The following CTNNA2 variants were observed in gnomAD, a reference collection of about 807,000 sequenced individuals.
CTNNA2 encodes the protein catenin alpha-2.
Under a neutral mutation model 101.0 loss-of-function variants are expected in CTNNA2, and 42 were observed. The observed-to-expected ratio is 0.42, with a 90% CI of 0.32 to 0.54. The LOEUF (loss-of-function observed/expected upper bound fraction) is 0.54, where lower values mean the gene tolerates loss of function less well. Ranked by LOEUF, CTNNA2 falls within the 20% of genes least tolerant of loss-of-function variation. The pLI is 0.14. For missense variants in CTNNA2, 871 were observed against 1,223.1 expected (o/e 0.71, Z 4.29); for synonymous variants, 450 against 456.4 (o/e 0.99, Z 0.18).
At chr2:79,470,047 A>G (rs1009909578) in intron 4 of CTNNA2, among the ~76,000 whole-genome samples, 2 of 152,240 alleles carry the variant, frequency 1.3e-5, no homozygotes, top group Non-Finnish European at 2.9e-5. Context: ...AGGCAGGAGA[A>G]GGAAATAAAG....
At chr2:79,821,805 T>A (rs1347938204) in intron 3 of CTNNA2, among the ~76,000 whole-genome samples, 2 of 152,172 alleles carry the variant, frequency 1.3e-5, no homozygotes, top group African/African-American at 4.8e-5. Flanking sequence ...GAATGTTTCT[T>A]AACTGGTGTT....
intron 7 of CTNNA2, among the ~76,000 whole-genome samples, chr2:80,067,295 A>G (rs1049860758): frequency 6.6e-6 from 1 of 152,202 alleles, no homozygotes; most frequent in Non-Finnish European, 1.5e-5. Flanking sequence ...TAGCCATTCC[A>G]CAATGTATAC....
chr2:79,267,677 T>C (rs936072843), intron 2 of CTNNA2, among the ~76,000 whole-genome samples: 4 of 152,160 alleles, frequency 2.6e-5, no homozygotes, highest in East Asian at 1.9e-4. Context: ...CAAAGAGCTG[T>C]AGTGGGACCT....
intron 7 of CTNNA2, among the ~76,000 whole-genome samples, chr2:80,273,973 G>C (rs918075026): frequency 1.3e-5 from 2 of 152,088 alleles, no homozygotes; most frequent in Admixed American, 1.3e-4. Flanking sequence ...GGTTATTACT[G>C]TATCCCAGTG....
chr2:79,654,030 C>G (rs1444804442), intron 2 of CTNNA2, among the ~76,000 whole-genome samples: 1 of 152,138 alleles, frequency 6.6e-6, no homozygotes, highest in African/African-American at 2.4e-5. Flanking sequence ...AACTTAGATA[C>G]TCCCCAAGAA....
chr2:80,639,887 G>C (rs984953705), intron 18 of CTNNA2, among the ~76,000 whole-genome samples: 2 of 152,006 alleles, frequency 1.3e-5, no homozygotes, highest in Non-Finnish European at 2.9e-5. Flanking sequence ...CAGATCATGA[G>C]GTCAGGAGTT....
intron 7 of CTNNA2, among the ~76,000 whole-genome samples, chr2:80,156,493 T>G (rs923926015): frequency 6.6e-6 from 1 of 152,220 alleles, no homozygotes; most frequent in Non-Finnish European, 1.5e-5. Flanking sequence ...GTAATCTCTC[T>G]TCTGTGCCTG....
rs561120877 is a variant in CTNNA2, at chr2:79,831,489, C to T, written c.299-26524C>T. ...TTAATGTTCTTAGATAAACAAGGTG[C>T]TTTTGTCTGTGTTGCTTCACATAGC... On this transcript the variant is annotated intron_variant, in intron 3 of 18. Coordinates refer to ENST00000402739, the MANE Select transcript of CTNNA2 (RefSeq NM_001282597.3). 3.9e-5 allele frequency among the ~76,000 whole-genome samples: 6 copies of T among 152,066 alleles called. No individual in the cohort carries two copies. In the South Asian group the frequency reaches 1.0e-3, roughly 26 times the overall value.
intron 2 of CTNNA2, among the ~76,000 whole-genome samples, chr2:79,657,003 A>C (rs913139527): frequency 6.6e-6 from 1 of 151,870 alleles, no homozygotes; most frequent in Non-Finnish European, 1.5e-5. Context: ...AGCTTTAGAT[A>C]GCTTTGAAGA....
chr2:79,499,235 C>T (rs1671291560), intron 4 of CTNNA2: 2 of 152,042 alleles, frequency 1.3e-5, no homozygotes, highest in Admixed American at 1.3e-4. Context: ...CCACTCAGAG[C>T]ACAATAGCTG....
intron 15 of CTNNA2, among the ~76,000 whole-genome samples, chr2:80,603,273 A>G (rs1419936879): frequency 1.3e-5 from 2 of 152,182 alleles, no homozygotes; most frequent in Non-Finnish European, 2.9e-5. Context: ...ATGATGCAGC[A>G]TAATTTCCAT....
At chr2:79,970,115 G>A (rs1292608014) in intron 7 of CTNNA2, among the ~76,000 whole-genome samples, 1 of 152,152 alleles carries the variant, frequency 6.6e-6, no homozygotes, top group Non-Finnish European at 1.5e-5. Flanking sequence ...ATGAACTAAT[G>A]CCTTTCTTGG....
chr2:79,207,493 C>T (rs10173485), intron 2 of CTNNA2, among the ~76,000 whole-genome samples: 1 of 152,024 alleles, frequency 6.6e-6, no homozygotes, highest in African/African-American at 2.4e-5. Flanking sequence ...CACAGTGGGC[C>T]CTCATTTAAA....
chr2:80,088,039 C>T (rs1328183591), intron 7 of CTNNA2, among the ~76,000 whole-genome samples: 1 of 151,976 alleles, frequency 6.6e-6, no homozygotes, highest in East Asian at 1.9e-4. Context: ...AGTTCTGAGA[C>T]CCTTCTTGTT....
Position 79,234,255 on chromosome 2 carries a change from G to C in CTNNA2, c.-406+36179G>C, listed in dbSNP as rs112880078. Among the ~76,000 whole-genome samples, 413 of 151,976 alleles carry C rather than the reference G, an allele frequency of 2.7e-3. 1 individual carries two copies. Among genetic ancestry groups the C allele is most frequent in the African/African-American group, 9.5e-3 (393 of 41,436 alleles). Reference sequence around the variant, plus strand: ...GTTAATAACATATCCCTTAGTGCTTGCTTCTCTGAGAAGGATTTTTATTTC... The same window carrying C: ...GTTAATAACATATCCCTTAGTGCTTCCTTCTCTGAGAAGGATTTTTATTTC... On this transcript the variant is annotated intron_variant, in intron 2 of 21. Coordinates refer to the CTNNA2 transcript ENST00000466387.
At chr2:79,993,706 A>G (rs1692341710) in intron 7 of CTNNA2, among the ~76,000 whole-genome samples, 1 of 152,084 alleles carries the variant, frequency 6.6e-6, no homozygotes, top group African/African-American at 2.4e-5. Context: ...CAGACAGAGC[A>G]AAGGAGGGTC....
intron 4 of CTNNA2, among the ~76,000 whole-genome samples, chr2:79,860,546 G>GTTTTTTTTTTTTTTCTTTTTTTTTTTT (rs1681522967): frequency 9.3e-6 from 1 of 107,180 alleles, no homozygotes; most frequent in African/African-American, 3.7e-5. Context: ...AGTAAGGGAA[G>GTTTTTTTTTTTTTTCTTTTTTTTTTTT]TTTTTTTTTT....
At chr2:80,568,822 TAA>T (rs1407434553) in intron 12 of CTNNA2, among the ~76,000 whole-genome samples, 1 of 152,168 alleles carries the variant, frequency 6.6e-6, no homozygotes. Context: ...ATATTGAAGT[TAA>T]AGTCTGTCTA....
chr2:79,666,957 G>C (rs553842745), intron 2 of CTNNA2, among the ~76,000 whole-genome samples: 2 of 152,104 alleles, frequency 1.3e-5, no homozygotes. Context: ...CAAGACCTTG[G>C]CTTCTAAGTC....
Sources: gnomAD v4.1 joint callset for allele counts (sites outside exome capture counted in the v4.1 genomes callset) on GRCh38, gnomAD v4.1.1 for gene constraint, MANE v1.5 for transcripts, NCBI Gene and HGNC (gene_info 2026-07-23, HGNC 2026-07-21) for gene names.